Variants in SARDH observed in about 807,000 individuals in gnomAD.
SARDH encodes the protein sarcosine dehydrogenase, also known as sarcosine dehydrogenase, mitochondrial.
SARDH carries 95 observed loss-of-function variants against 109.1 expected under a neutral mutation model. That is an observed-to-expected ratio of 0.87 (90% CI 0.74 to 1.03). The LOEUF (loss-of-function observed/expected upper bound fraction) is 1.03. Among genes scored for constraint, SARDH ranks in the 50% least tolerant of loss-of-function variants. The probability of loss-of-function intolerance (pLI) is 0.00; values close to 1 mark genes in which losing one functional copy is unlikely to be tolerated. For missense variants in SARDH, 1,267 were observed against 1,287.8 expected, an observed-to-expected ratio of 0.98 and a Z score of 0.25; for synonymous variants, 572 against 534.8, an observed-to-expected ratio of 1.07 and a Z score of -0.96.
At position 133,690,265 on chromosome 9, in the gene SARDH, G is replaced by A. The variant is rs10993765; in HGVS notation, c.2069+115C>T. ...AATGGCATCTCTGGTTTACCAGAGCGCTTAACTATTCAGAATGGCCCATTC... is the reference window on the plus strand; with the variant it reads ...AATGGCATCTCTGGTTTACCAGAGCACTTAACTATTCAGAATGGCCCATTC... On this transcript the variant is annotated intron_variant, in intron 16 of 20. Transcript: ENST00000439388. 6,318 of 1,176,206 alleles carry A rather than the reference G, an allele frequency of 5.4e-3. 26 individuals are homozygous for A. Among genetic ancestry groups the A allele is most frequent in the Non-Finnish European group, 6.9e-3 (5,817 of 840,052 alleles). 72.9% of individuals were successfully genotyped at this position (1,176,206 alleles called of 1,614,324 possible). A position where few individuals can be genotyped will look rare whatever the true frequency, so the allele number is the denominator to read the frequency against.
chr9:133,696,132 A>AG (rs1831278430), intron 14 of SARDH, 91 bp downstream of exon 14: 1 of 1,523,952 alleles, frequency 6.6e-7, no homozygotes, highest in African/African-American at 1.4e-5. Context: ...AGGGTGCCCG[A>AG]GGGGACAGGG....
rs1433816499 is a variant in SARDH, at chr9:133,708,442, G to A, written c.1329-14C>T. The A allele has an allele frequency of 6.2e-7, 1 of 1,604,614 alleles. No individual in the cohort carries two copies. Among genetic ancestry groups the A allele is most frequent in the African/African-American group, 1.3e-5 (1 of 74,798 alleles). ...TGATGGAAGCGCCTGCCGCAGACAG[G>A]GGGACGGGTCACTGCTTTGGGGATG... On this transcript the variant is annotated splice_polypyrimidine_tract_variant and intron_variant, in intron 10 of 20. Transcript: ENST00000439388.
At position 133,704,676 on chromosome 9, in the gene SARDH, C is replaced by G. The variant is rs1831620108; in HGVS notation, c.1554+272G>C. 6.6e-6 allele frequency among the ~76,000 whole-genome samples: 1 copy of G among 152,222 alleles called. No individual in the cohort carries two copies. The highest frequency in any genetic ancestry group is 2.4e-5 in the African/African-American group (1 of 41,446). On this transcript the variant is annotated intron_variant, in intron 12 of 20. Transcript: ENST00000439388. The surrounding 1 kb of genome is among the most constrained non-coding windows in gnomAD (Gnocchi z 4.5). Reference sequence around the variant, plus strand: ...ACACCCCTTCTGCTCTGCCTACAGCCCTTCCCACTTAGGCCATGGAAGGCC... The same window carrying G: ...ACACCCCTTCTGCTCTGCCTACAGCGCTTCCCACTTAGGCCATGGAAGGCC...
In SARDH at chr9:133,704,063, C is replaced by T. The variant is rs1451673716; in HGVS notation, c.1554+885G>A. On this transcript the variant is annotated intron_variant, in intron 12 of 20. Transcript: ENST00000439388. This position sits in a 1 kb window ranked among gnomAD's most constrained non-coding sequence, Gnocchi z 4.5. ...GGTTGCACTTCAAGACAGGGTCTGC[C>T]CAGACCCCTCCTCCCCGCAGGGTTC... 1.3e-5 allele frequency among the ~76,000 whole-genome samples: 2 copies of T among 152,072 alleles called. No individual in the cohort carries two copies.
In SARDH at chr9:133,663,990, C is replaced by T. The variant is rs772353444; in HGVS notation, c.2656G>A (p.Gly886Arg). 8.1e-6 allele frequency: 13 copies of T among 1,614,020 alleles called. No homozygotes were observed. In the East Asian group the frequency reaches 1.3e-4, roughly 17 times the overall value. The change falls in exon 21 of 21, where the codon GGG becomes AGG. Residue 886 changes from glycine to arginine, a missense_variant. Physicochemically the swap from Gly to Arg is moderately radical, Grantham distance 125 (BLOSUM62 -2). Coordinates refer to ENST00000439388, the MANE Select transcript of SARDH (RefSeq NM_001134707.2). ...GPVSLDFVKS[G>R]DYALERMGVT... ...CCCATTCTCTCCAGGGCATAGTCCC[C>T]GCTCTTCACAAAGTCCAGCGAGACC... is the stretch of plus-strand genomic sequence containing the variant.
At chr9:133,713,387 G>A (rs1282501582) in intron 8 of SARDH, among the ~76,000 whole-genome samples, 1 of 152,196 alleles carries the variant, frequency 6.6e-6, no homozygotes, top group Non-Finnish European at 1.5e-5. Context: ...GGGTCCCGCT[G>A]TCTTGTGGCC....
intron 17 of SARDH, among the ~76,000 whole-genome samples, chr9:133,675,014 C>A (rs1330885451): frequency 6.6e-6 from 1 of 152,120 alleles, no homozygotes; most frequent in African/African-American, 2.4e-5. Flanking sequence ...AGAACTCCTA[C>A]AACTTAACAA....
intron 11 of SARDH, among the ~76,000 whole-genome samples, chr9:133,705,767 G>C (rs1460331594): frequency 2.0e-5 from 3 of 152,214 alleles, no homozygotes; most frequent in Non-Finnish European, 4.4e-5. Flanking sequence ...AAATTCGTAT[G>C]TCAAAGCCCT....
At chr9:133,664,355 G>A (rs1384262720) in intron 20 of SARDH, among the ~76,000 whole-genome samples, 1 of 152,250 alleles carries the variant, frequency 6.6e-6, no homozygotes, top group Non-Finnish European at 1.5e-5. Flanking sequence ...GGCAAGCACA[G>A]CGGCCAGAGC....
At chr9:133,673,102 T>C (rs2797836) in intron 17 of SARDH, among the ~76,000 whole-genome samples, 85,498 of 152,106 alleles carry the variant, frequency 0.56, 24,874 homozygotes, top group East Asian at 0.79. Flanking sequence ...CCTGCTCCGC[T>C]GAGGACAGCT....
Position 133,676,965 on chromosome 9 carries a change from C to G in SARDH, c.2164-5268G>C, listed in dbSNP as rs528724635. 5.6e-4 allele frequency among the ~76,000 whole-genome samples: 85 copies of G among 152,242 alleles called. No homozygotes were observed. In the South Asian group the frequency reaches 0.013, roughly 24 times the overall value. On this transcript the variant is annotated intron_variant, in intron 17 of 20. Coordinates refer to ENST00000439388, the MANE Select transcript of SARDH (RefSeq NM_001134707.2). ...ACCAGCCTGGCCAACACAGCGAAAC[C>G]CCATCTCTACTAAAAATACAAAAAT...
chr9:133,736,040 CAAA>C (rs60023194), intron 1 of SARDH, among the ~76,000 whole-genome samples: 2 of 116,836 alleles, frequency 1.7e-5, no homozygotes, highest in Non-Finnish European at 1.9e-5. Context: ...AACTCCGTCT[CAAA>C]AAAAAAAAAA....
intron 8 of SARDH, among the ~76,000 whole-genome samples, chr9:133,713,490 A>C (rs1301467545): frequency 6.6e-6 from 1 of 152,160 alleles, no homozygotes; most frequent in Non-Finnish European, 1.5e-5. Flanking sequence ...CCTGCCAGAG[A>C]CTTGTCACTC....
At chr9:133,663,009 G>A (rs1363286373), downstream of SARDH, among the ~76,000 whole-genome samples, 1 of 152,206 alleles carries the variant, frequency 6.6e-6, no homozygotes, top group Non-Finnish European at 1.5e-5. Context: ...AGCGTGCAGG[G>A]CAGAGCCTAA....
chr9:133,672,727 T>C (rs778094684), intron 17 of SARDH, among the ~76,000 whole-genome samples: 3 of 152,178 alleles, frequency 2.0e-5, no homozygotes, highest in African/African-American at 4.8e-5. Context: ...AGCACAACCA[T>C]GTTCTGGGTG....
At chr9:133,731,701 C>T (rs1340388365) in intron 3 of SARDH, among the ~76,000 whole-genome samples, 1 of 152,224 alleles carries the variant, frequency 6.6e-6, no homozygotes, top group Non-Finnish European at 1.5e-5. Flanking sequence ...GCCGCCTGTG[C>T]CAATCCGACC....
chr9:133,716,213 C>T (rs1832116966), intron 8 of SARDH, among the ~76,000 whole-genome samples: 1 of 152,250 alleles, frequency 6.6e-6, no homozygotes, highest in Non-Finnish European at 1.5e-5. Flanking sequence ...AGAGCACCCA[C>T]CCACGGGCTG....
In SARDH at chr9:133,698,442, C is replaced by T. The variant is rs571852057; in HGVS notation, c.1669-2081G>A. The stretch of plus-strand genomic sequence containing the variant: ...CAATCCTAAAATTCATATGGAGATT[C>T]AAAGGGGCCAATAATACTCAAAACA... On this transcript the variant is annotated intron_variant, in intron 13 of 20. Transcript: ENST00000439388. Among the ~76,000 whole-genome samples, 51 of 152,228 alleles carry T rather than the reference C, an allele frequency of 3.4e-4. 1 individual carries two copies. In the Middle Eastern group the frequency reaches 0.01, roughly 30 times the overall value.
At chr9:133,694,221 G>A (rs983477953) in intron 15 of SARDH, 37 bp downstream of exon 15, 18 of 1,438,148 alleles carry the variant, frequency 1.3e-5, no homozygotes, top group East Asian at 1.2e-4. Flanking sequence ...AGAGCAGGCC[G>A]CAGTCACAGC....
Sources: gnomAD v4.1 joint callset for allele counts (sites outside exome capture counted in the v4.1 genomes callset) on GRCh38, gnomAD v4.1.1 for gene constraint, Gnocchi (gnomAD v3.1) non-coding constraint, MANE v1.5 for transcripts, NCBI Gene and HGNC (gene_info 2026-07-23, HGNC 2026-07-21) for gene names.